The following ARHGEF10 variants were observed in gnomAD, a reference collection of about 807,000 sequenced individuals.
ARHGEF10 encodes Rho guanine nucleotide exchange factor 10.
In ARHGEF10, 140 loss-of-function variants were observed where a neutral mutation model predicts 147.4. The observed-to-expected ratio is 0.95, with a 90% confidence interval of 0.83 to 1.09. ARHGEF10 has a LOEUF of 1.09. Ranked by LOEUF, ARHGEF10 falls within the 50% of genes least tolerant of loss-of-function variation. The probability of loss-of-function intolerance (pLI) is 0.00; values close to 1 mark genes in which losing one functional copy is unlikely to be tolerated. For missense variants in ARHGEF10, 2,222 were observed against 1,752.7 expected (o/e 1.27, Z -4.78); for synonymous variants, 902 against 695.8 (o/e 1.30, Z -4.67).
chr8:1,905,734 C>G lies in ARHGEF10; in HGVS notation c.1967+18C>G, dbSNP rs763999908. 2 of 1,612,182 alleles carry G rather than the reference C, an allele frequency of 1.2e-6. No homozygotes were observed. Among genetic ancestry groups the G allele is most frequent in the East Asian group, 2.2e-5 (1 of 44,880 alleles). ...AGCTCACGGTAAGTGCATAAATTCT[C>G]TATAGTAGTCCTACCATCATCACAT... On this transcript the variant is annotated intron_variant, in intron 17 of 28. Transcript: ENST00000349830.
intron 16 of ARHGEF10, 61 bp from the exon 17 acceptor site, chr8:1,905,510 C>T: frequency 6.2e-7 from 1 of 1,609,130 alleles, no homozygotes; most frequent in Non-Finnish European, 8.5e-7. Flanking sequence ...GACTTCTCCT[C>T]ATCTTTTTCT....
At chr8:1,840,239 T>C (rs1298950802) in intron 1 of ARHGEF10, among the ~76,000 whole-genome samples, 368 of 117,012 alleles carry the variant, frequency 3.1e-3, no homozygotes, top group Admixed American at 8.2e-3. Flanking sequence ...GGAAGCTGTC[T>C]GGTGTGGGGA....
At chr8:1,825,846 C>G (rs1474760399) in intron 1 of ARHGEF10, among the ~76,000 whole-genome samples, 3 of 152,176 alleles carry the variant, frequency 2.0e-5, no homozygotes, top group Non-Finnish European at 4.4e-5. Context: ...GGTCAGTATT[C>G]TAGATTCTGT....
intron 25 of ARHGEF10, among the ~76,000 whole-genome samples, chr8:1,930,905 G>A (rs987362120): frequency 3.9e-5 from 6 of 152,220 alleles, no homozygotes; most frequent in African/African-American, 1.4e-4. Flanking sequence ...CTGATCCCTG[G>A]CCGATCCCTG....
chr8:1,848,097 A>G (rs1407172416), intron 2 of ARHGEF10, among the ~76,000 whole-genome samples: 1 of 152,210 alleles, frequency 6.6e-6, no homozygotes, highest in Non-Finnish European at 1.5e-5. Context: ...AGGTCTTGGT[A>G]GCTTGTAGAA....
chr8:1,844,085 G>C (rs1804313590), intron 2 of ARHGEF10, among the ~76,000 whole-genome samples: 1 of 152,218 alleles, frequency 6.6e-6, no homozygotes, highest in Non-Finnish European at 1.5e-5. Context: ...GGTCCTCCCG[G>C]GGCCTGCCGG....
intron 15 of ARHGEF10, among the ~76,000 whole-genome samples, chr8:1,901,602 T>C (rs1416828659): frequency 4.6e-5 from 7 of 152,222 alleles, no homozygotes; most frequent in Non-Finnish European, 8.8e-5. Context: ...CTTTTCTCCT[T>C]CCCTGAGCCT....
At chr8:1,938,849 C>T (rs1249695740) in intron 26 of ARHGEF10, among the ~76,000 whole-genome samples, 3 of 152,074 alleles carry the variant, frequency 2.0e-5, no homozygotes, top group Non-Finnish European at 4.4e-5. Flanking sequence ...TCTCAGTCCC[C>T]AGAAAATCTG....
In ARHGEF10 at chr8:1,893,640, T is replaced by G. The variant is rs753337395; in HGVS notation, c.1254T>G (p.Ile418Met). 6.2e-7 allele frequency: 1 copy of G among 1,609,964 alleles called. No homozygotes were observed. The highest frequency in any genetic ancestry group is 8.5e-7 in the Non-Finnish European group (1 of 1,176,356). ...ACTACGTAGATGCTCTTAAGAGGAT[T>G]TTGGAGGTACTTAAGTGTCGTGTTA... ...EKNYVDALKR[I>M]LEQYEKPLSE... Residue 418 changes from isoleucine to methionine, a missense_variant, in exon 12 of 29, where the codon ATT (isoleucine) becomes ATG (methionine). Transcript: ENST00000349830.
At chr8:1,898,604 C>A in intron 15 of ARHGEF10, 79 bp downstream of exon 15, 1 of 1,424,850 alleles carries the variant, frequency 7.0e-7, no homozygotes, top group Non-Finnish European at 9.8e-7. Context: ...TCTGTTCCTC[C>A]ACTTTGGAAT....
intron 7 of ARHGEF10, among the ~76,000 whole-genome samples, chr8:1,873,343 T>A (rs888496279): frequency 2.6e-5 from 4 of 152,158 alleles, no homozygotes; most frequent in Non-Finnish European, 4.4e-5. Flanking sequence ...TATGTGTGTA[T>A]GTTTATAAGA....
chr8:1,909,218 G>A, intron 17 of ARHGEF10, 77 bp from the exon 18 acceptor site: 1 of 1,593,578 alleles, frequency 6.3e-7, no homozygotes, highest in Non-Finnish European at 8.6e-7. Flanking sequence ...TTTCTCACTT[G>A]AACATCTGAG....
chr8:1,836,158 G>A (rs1460204973), intron 1 of ARHGEF10, among the ~76,000 whole-genome samples: 1 of 150,740 alleles, frequency 6.6e-6, no homozygotes, highest in Non-Finnish European at 1.5e-5. Flanking sequence ...TCCAGCCTGG[G>A]CGACAGAGCA....
rs909452754 is a variant in ARHGEF10 at position 1,937,988 on chromosome 8, C to T, written c.3222+4046C>T. The stretch of plus-strand genomic sequence containing the variant: ...GGCGCCATAACAAAGCAGCACTGGG[C>T]GAACCAGTAGAGACGCTGAGCCGGG... On this transcript the variant is annotated intron_variant, in intron 26 of 28. Coordinates refer to ENST00000349830, the MANE Select transcript of ARHGEF10 (RefSeq NM_014629.4). The surrounding 1 kb of genome is among the most constrained non-coding windows in gnomAD (Gnocchi z 4.9). Among the ~76,000 whole-genome samples, 7 of 152,164 alleles carry T rather than the reference C, an allele frequency of 4.6e-5. No homozygotes were observed. The highest frequency in any genetic ancestry group is 2.1e-4 in the South Asian group (1 of 4,824).
At chr8:1,951,304 T>A (rs780854666) in intron 27 of ARHGEF10, among the ~76,000 whole-genome samples, 9 of 152,234 alleles carry the variant, frequency 5.9e-5, no homozygotes, top group Non-Finnish European at 1.3e-4. Flanking sequence ...GCTGCTGCCG[T>A]GTTTCTCATT....
At chr8:1,849,808 CGTGG>C (rs1804898127) in intron 2 of ARHGEF10, among the ~76,000 whole-genome samples, 3 of 115,500 alleles carry the variant, frequency 2.6e-5, no homozygotes, top group African/African-American at 3.5e-5. Flanking sequence ...GGGCCGGCTG[CGTGG>C]ACACAGGGCA....
chr8:1,894,606 G>A (rs779867010), intron 13 of ARHGEF10, 34 bp downstream of exon 13: 2 of 1,607,488 alleles, frequency 1.2e-6, no homozygotes, highest in Non-Finnish European at 1.7e-6. Flanking sequence ...TGTCCATGGG[G>A]CTCTCCATGC....
chr8:1,826,386 G>T (rs1802770505), intron 1 of ARHGEF10, among the ~76,000 whole-genome samples: 1 of 151,748 alleles, frequency 6.6e-6, no homozygotes. Context: ...GTGTGCGTTT[G>T]TGTGTGCGTG....
rs1563203828 is a variant in ARHGEF10 at position 1,869,235 on chromosome 8, T to G, written c.664T>G (p.Ser222Ala). The change falls in exon 7 of 29, where the codon TCA becomes GCA. Residue 222 changes from serine (S) to alanine (A), a missense_variant. Physicochemically the swap from Ser to Ala is moderately conservative, Grantham distance 99. Coordinates refer to ENST00000349830, the MANE Select transcript of ARHGEF10 (RefSeq NM_014629.4). ...TTACGATGACGTTCCAAGGGAAAAC[T>G]CAGACTCTGAACCAGGTTTGATTTT... is the stretch of plus-strand genomic sequence containing the variant. ...AIYDDVPREN[S>A]DSEPDEMIYD... is the part of the protein sequence containing the mutation. The G allele has an allele frequency of 6.2e-7, 1 of 1,613,892 alleles. No homozygotes were observed. The highest frequency in any genetic ancestry group is 8.5e-7 in the Non-Finnish European group (1 of 1,179,868).
Sources: allele counts gnomAD v4.1 joint callset (sites outside exome capture counted in the v4.1 genomes callset), GRCh38; gene constraint gnomAD v4.1.1; non-coding constraint Gnocchi (gnomAD v3.1); transcripts MANE v1.5; gene names NCBI Gene and HGNC (gene_info 2026-07-23, HGNC 2026-07-21).